The following SLC2A14 variants were observed in gnomAD, a reference collection of about 807,000 sequenced individuals.
The protein encoded by SLC2A14 is solute carrier family 2, facilitated glucose transporter member 14.
Under a neutral mutation model 43.0 loss-of-function variants are expected in SLC2A14, and 13 were observed. The ratio of observed to expected loss-of-function variants is 0.30; its 90% CI spans 0.20 to 0.48. SLC2A14 has a LOEUF of 0.48. Among genes scored for constraint, SLC2A14 ranks in the 20% least tolerant of loss-of-function variants. The pLI is 0.99. For synonymous variants in SLC2A14, 190 were observed against 233.8 expected (o/e 0.81, Z 1.71); for missense variants, 428 against 620.4 (o/e 0.69, Z 3.29).
chr12:7,860,791 A>G (rs1377668362), intron 2 of SLC2A14: 1 of 135,650 alleles, frequency 7.4e-6, no homozygotes, highest in Non-Finnish European at 1.6e-5. Flanking sequence ...CTTACTTGTC[A>G]ACTTTTTTTT....
At chr12:7,828,645 CA>C in intron 6 of SLC2A14, 58 bp downstream of exon 6, 1 of 1,560,102 alleles carries the variant, frequency 6.4e-7, no homozygotes, top group Non-Finnish European at 8.8e-7. Flanking sequence ...CCAGTACCCT[CA>C]CCCTTAAAAC....
chr12:7,886,972 C>T (rs111766459), intron 1 of SLC2A14, among the ~76,000 whole-genome samples: 1 of 145,232 alleles, frequency 6.9e-6, no homozygotes, highest in East Asian at 2.0e-4. Context: ...AGTGCAATGG[C>T]GCGATCTCGG....
chr12:7,884,760 G>A (rs1228020144), intron 1 of SLC2A14, among the ~76,000 whole-genome samples: 1 of 152,154 alleles, frequency 6.6e-6, no homozygotes, highest in Non-Finnish European at 1.5e-5. Flanking sequence ...TCCAGAGCAA[G>A]GTTCTATTTT....
intron 2 of SLC2A14, among the ~76,000 whole-genome samples, chr12:7,845,964 A>C (rs1411559530): frequency 1.3e-5 from 2 of 151,544 alleles, no homozygotes; most frequent in African/African-American, 4.8e-5. Context: ...GTGGTGGTGC[A>C]TGCCTGTAAA....
intron 2 of SLC2A14, among the ~76,000 whole-genome samples, chr12:7,863,007 AGC>A (rs1565566340): frequency 6.6e-6 from 1 of 152,160 alleles, no homozygotes; most frequent in Non-Finnish European, 1.5e-5. Flanking sequence ...AGGCTGCCCA[AGC>A]CCGCATTGGC....
chr12:7,828,582 C>T (rs1864706602), intron 6 of SLC2A14, 122 bp downstream of exon 6: 2 of 1,071,414 alleles, frequency 1.9e-6, no homozygotes, highest in Admixed American at 2.4e-5. Flanking sequence ...GTAATCAGAA[C>T]CATCTTCACT....
At chr12:7,845,840 G>A (rs989777761) in intron 2 of SLC2A14, among the ~76,000 whole-genome samples, 7 of 146,272 alleles carry the variant, frequency 4.8e-5, no homozygotes, top group Admixed American at 6.9e-5. Context: ...GCCTGTAATC[G>A]CAGCACTTTG....
At chr12:7,833,636 C>T (rs1049535938) in intron 2 of SLC2A14, among the ~76,000 whole-genome samples, 2 of 152,044 alleles carry the variant, frequency 1.3e-5, no homozygotes, top group African/African-American at 4.8e-5. Flanking sequence ...CAAAAATTAG[C>T]AGGGCATGGT....
At chr12:7,875,899 C>A (rs1448556330), upstream of SLC2A14, among the ~76,000 whole-genome samples, 2 of 151,994 alleles carry the variant, frequency 1.3e-5, no homozygotes, top group Non-Finnish European at 2.9e-5. Context: ...TCTCTTGAAC[C>A]CAGGAGGTGG....
At chr12:7,838,964 G>A (rs1865691629) in intron 2 of SLC2A14, among the ~76,000 whole-genome samples, 1 of 151,286 alleles carries the variant, frequency 6.6e-6, no homozygotes, top group Non-Finnish European at 1.5e-5. Context: ...AAGGCCATGT[G>A]AAGACACTGA....
intron 2 of SLC2A14, among the ~76,000 whole-genome samples, chr12:7,838,753 A>C (rs1865668407): frequency 6.6e-6 from 1 of 152,200 alleles, no homozygotes; most frequent in Non-Finnish European, 1.5e-5. Context: ...CCAGAGGGCA[A>C]AGTGTTATGG....
chr12:7,876,236 G>A (rs147029295), upstream of SLC2A14, among the ~76,000 whole-genome samples: 2,571 of 136,414 alleles, frequency 0.019, 41 homozygotes, highest in Non-Finnish European at 0.029. Context: ...AGTCGAGATC[G>A]CGCCATTGCA....
At chr12:7,834,250 CT>C in intron 2 of SLC2A14, among the ~76,000 whole-genome samples, 1 of 148,620 alleles carries the variant, frequency 6.7e-6, no homozygotes, top group Non-Finnish European at 1.5e-5. Flanking sequence ...CATTTTCTTT[CT>C]TTTTTGTAGA....
upstream of SLC2A14, among the ~76,000 whole-genome samples, chr12:7,873,864 G>A (rs1945359975): frequency 6.6e-6 from 1 of 151,972 alleles, no homozygotes; most frequent in African/African-American, 2.4e-5. Context: ...TGGAGAGATT[G>A]TTCTCCCCTA....
intron 2 of SLC2A14, among the ~76,000 whole-genome samples, chr12:7,845,207 C>A (rs1866360903): frequency 6.6e-6 from 1 of 152,052 alleles, no homozygotes; most frequent in Non-Finnish European, 1.5e-5. Context: ...CCTGGGCAAA[C>A]CTCTATGGTT....
intron 1 of SLC2A14, among the ~76,000 whole-genome samples, chr12:7,884,599 G>A (rs772686394): frequency 9.2e-5 from 14 of 152,188 alleles, no homozygotes; most frequent in African/African-American, 3.4e-4. Context: ...AGCTAAGGTC[G>A]AGATAATAGC....
At chr12:7,884,252 A>G (rs550002685) in intron 1 of SLC2A14, among the ~76,000 whole-genome samples, 18 of 152,244 alleles carry the variant, frequency 1.2e-4, no homozygotes, top group African/African-American at 3.9e-4. Flanking sequence ...ACTATGTGCT[A>G]TAAGTTTGAA....
At chr12:7,819,395 C>A (rs1363967767) in intron 9 of SLC2A14, 87 bp downstream of exon 9, 3 of 1,533,968 alleles carry the variant, frequency 2.0e-6, no homozygotes, top group East Asian at 2.3e-5. Flanking sequence ...AAACTGCAAC[C>A]TTAACAACCC....
chr12:7,846,865 C>T (rs914420490), intron 2 of SLC2A14, among the ~76,000 whole-genome samples: 1 of 151,684 alleles, frequency 6.6e-6, no homozygotes. Flanking sequence ...AACTCCTGAC[C>T]TCATGATCCA....
Sources: allele counts gnomAD v4.1 joint callset (sites outside exome capture counted in the v4.1 genomes callset), GRCh38; gene constraint gnomAD v4.1.1; transcripts MANE v1.5; gene names NCBI Gene and HGNC (gene_info 2026-07-23, HGNC 2026-07-21).